The following DLG2 variants were observed in gnomAD, a reference collection of about 807,000 sequenced individuals.
DLG2 encodes the protein disks large homolog 2.
DLG2 carries 45 observed loss-of-function variants against 132.5 expected under a neutral mutation model. That is an observed-to-expected ratio of 0.34 (90% confidence interval 0.27 to 0.44). The LOEUF (loss-of-function observed/expected upper bound fraction) is 0.44. Ranked by LOEUF, DLG2 falls within the 20% of genes least tolerant of loss-of-function variation. DLG2 has a pLI of 1.00. For missense variants in DLG2, 1,045 were observed against 1,196.9 expected (o/e 0.87, Z 1.87); for synonymous variants, 424 against 419.6 (o/e 1.01, Z -0.13).
At chr11:84,145,459 T>C (rs954955795) in intron 9 of DLG2, among the ~76,000 whole-genome samples, 2 of 152,154 alleles carry the variant, frequency 1.3e-5, no homozygotes, top group Non-Finnish European at 2.9e-5. Flanking sequence ...TATCCAAACA[T>C]AGAAAAGTTA....
chr11:83,599,427 A>T (rs1331762818), intron 19 of DLG2, among the ~76,000 whole-genome samples: 2 of 151,914 alleles, frequency 1.3e-5, no homozygotes, highest in East Asian at 3.9e-4. Context: ...GTCTGATTGG[A>T]CAACTATCTA....
chr11:85,398,358 A>G (rs1035944617), intron 3 of DLG2, among the ~76,000 whole-genome samples: 10 of 152,172 alleles, frequency 6.6e-5, no homozygotes, highest in African/African-American at 2.2e-4. Flanking sequence ...TTAACATCAT[A>G]ATTAAAAGAA....
intron 16 of DLG2, among the ~76,000 whole-genome samples, chr11:83,858,521 G>C (rs921243583): frequency 3.3e-5 from 5 of 152,152 alleles, no homozygotes; most frequent in African/African-American, 4.8e-5. Context: ...TCTTGAATTT[G>C]TTGTGGCCTT....
chr11:85,349,474 C>A (rs1224925683), intron 3 of DLG2, among the ~76,000 whole-genome samples: 3 of 151,948 alleles, frequency 2.0e-5, no homozygotes, highest in African/African-American at 7.3e-5. Flanking sequence ...AGGTTTGATA[C>A]ATAGGTATAC....
chr11:84,505,957 G>T (rs1020020822), intron 7 of DLG2, among the ~76,000 whole-genome samples: 1 of 151,960 alleles, frequency 6.6e-6, no homozygotes, highest in East Asian at 1.9e-4. Context: ...CCTGAAACCT[G>T]TAACTGTGTT....
At chr11:84,430,483 A>C (rs1275280040) in intron 7 of DLG2, among the ~76,000 whole-genome samples, 1 of 151,648 alleles carries the variant, frequency 6.6e-6, no homozygotes, top group East Asian at 1.9e-4. Context: ...AAATGCAGCT[A>C]ATAAGAGTAC....
chr11:84,418,670 T>G (rs1438842132), intron 7 of DLG2, among the ~76,000 whole-genome samples: 1 of 152,188 alleles, frequency 6.6e-6, no homozygotes, highest in Admixed American at 6.5e-5. Context: ...TACTACAGCA[T>G]GCAAGGCTTT....
chr11:84,797,163 T>C (rs572267709), intron 6 of DLG2, among the ~76,000 whole-genome samples: 2 of 152,262 alleles, frequency 1.3e-5, no homozygotes, highest in South Asian at 2.1e-4. Flanking sequence ...TTTTTATTTA[T>C]CCTTGACTTT....
At chr11:83,624,319 T>C (rs1219249848) in intron 19 of DLG2, among the ~76,000 whole-genome samples, 3 of 152,136 alleles carry the variant, frequency 2.0e-5, no homozygotes, top group Non-Finnish European at 4.4e-5. Flanking sequence ...AATATAAAAA[T>C]TAAAAACCTT....
intron 3 of DLG2, among the ~76,000 whole-genome samples, chr11:85,348,012 C>T (rs1458836164): frequency 8.5e-6 from 1 of 117,720 alleles, no homozygotes; most frequent in Admixed American, 1.1e-4. Context: ...GACAGAGTCT[C>T]GCTCTGTTGC....
intron 21 of DLG2, among the ~76,000 whole-genome samples, chr11:83,491,906 A>G (rs191770965): frequency 7.9e-5 from 12 of 151,806 alleles, no homozygotes; most frequent in African/African-American, 2.4e-4. Context: ...CACTTCAAAT[A>G]TCGTAACATC....
chr11:85,195,768 C>T (rs543146484), intron 4 of DLG2, among the ~76,000 whole-genome samples: 121 of 152,010 alleles, frequency 8.0e-4, no homozygotes, highest in Non-Finnish European at 1.5e-3. Flanking sequence ...CCTCGTGATC[C>T]GCCCGCCTCG....
At chr11:83,973,983 G>A (rs925134628) in intron 12 of DLG2, among the ~76,000 whole-genome samples, 4 of 152,004 alleles carry the variant, frequency 2.6e-5, no homozygotes, top group African/African-American at 9.7e-5. Context: ...CTTTCCTTCT[G>A]AAAAATAAGA....
chr11:84,124,860 T>TC (rs1445627063), intron 9 of DLG2, among the ~76,000 whole-genome samples: 2 of 150,286 alleles, frequency 1.3e-5, no homozygotes, highest in African/African-American at 2.4e-5. Context: ...TTTTTTTTTT[T>TC]TTTTTTTGAG....
At chr11:85,352,494 G>A (rs2152883425) in intron 3 of DLG2, among the ~76,000 whole-genome samples, 1 of 152,224 alleles carries the variant, frequency 6.6e-6, no homozygotes, top group South Asian at 2.1e-4. Flanking sequence ...TTTTAACTGT[G>A]ATGTTAGGAT....
chr11:83,602,789 G>A (rs1263808998), intron 19 of DLG2, among the ~76,000 whole-genome samples: 1 of 152,144 alleles, frequency 6.6e-6, no homozygotes, highest in Admixed American at 6.5e-5. Context: ...CTCAGGAAAT[G>A]GTGACAAGGA....
At chr11:83,605,327 CA>C (rs1372632832) in intron 19 of DLG2, among the ~76,000 whole-genome samples, 1 of 152,080 alleles carries the variant, frequency 6.6e-6, no homozygotes, top group African/African-American at 2.4e-5. Flanking sequence ...TGTTTTCTAA[CA>C]GGGGAAATGA....
chr11:84,590,933 A>G (rs771703740), intron 6 of DLG2, among the ~76,000 whole-genome samples: 2 of 152,198 alleles, frequency 1.3e-5, no homozygotes, highest in Non-Finnish European at 2.9e-5. Context: ...AAATGATGGG[A>G]CAAATCAAAA....
At chr11:84,951,342 A>T (rs1197638606) in intron 6 of DLG2, among the ~76,000 whole-genome samples, 1 of 152,176 alleles carries the variant, frequency 6.6e-6, no homozygotes, top group East Asian at 1.9e-4. Flanking sequence ...AAAAATATGA[A>T]CTTCACAATT....
Sources: gnomAD v4.1 joint callset for allele counts (sites outside exome capture counted in the v4.1 genomes callset) on GRCh38, gnomAD v4.1.1 for gene constraint, MANE v1.5 for transcripts, NCBI Gene and HGNC (gene_info 2026-07-23, HGNC 2026-07-21) for gene names.